The following TTLL5 variants were observed in gnomAD, a reference collection of about 807,000 sequenced individuals.
TTLL5 encodes tubulin tyrosine ligase like 5, also known as tubulin polyglutamylase TTLL5.
A neutral mutation model predicts 168.4 loss-of-function variants in TTLL5; 132 were observed. That is an observed-to-expected ratio of 0.78 (90% CI 0.68 to 0.91). The LOEUF is 0.91. Among genes scored for constraint, TTLL5 ranks in the 40% least tolerant of loss-of-function variants. The pLI, the probability that TTLL5 is intolerant of heterozygous loss-of-function variation, is 0.00. For synonymous variants in TTLL5, 546 were observed against 558.6 expected, an observed-to-expected ratio of 0.98 and a Z score of 0.32; for missense variants, 1,545 against 1,581.5, an observed-to-expected ratio of 0.98 and a Z score of 0.39.
intron 28 of TTLL5, among the ~76,000 whole-genome samples, chr14:75,857,290 A>T (rs373516): frequency 0.9 from 136,618 of 152,042 alleles, 61,542 homozygotes; most frequent in African/African-American, 0.95. Context: ...ATTATATGAT[A>T]GATTTTTTTT....
rs1258692561 is a variant in TTLL5, at chr14:75,683,671, A to G, written c.371+15A>G. 3.7e-6 allele frequency: 6 copies of G among 1,600,604 alleles called. No homozygotes were observed. Among genetic ancestry groups the G allele is most frequent in the Non-Finnish European group, 5.1e-6 (6 of 1,168,080 alleles). ...CACTTTCCCAGGTAATGCTCTTTGT[A>G]GCTGCTTTGCTTCATTTAAAGGTAC... On this transcript the variant is annotated intron_variant, in intron 5 of 31. Coordinates refer to ENST00000298832, the MANE Select transcript of TTLL5 (RefSeq NM_015072.5).
chr14:75,904,380 C>A, intron 31 of TTLL5: 1 of 469,160 alleles, frequency 2.1e-6, no homozygotes, highest in Non-Finnish European at 2.8e-6. Context: ...TTTGGCTCTT[C>A]AAGTTTGCTT....
intron 31 of TTLL5, among the ~76,000 whole-genome samples, chr14:75,905,334 C>T (rs2033099590): frequency 6.6e-6 from 1 of 152,210 alleles, no homozygotes; most frequent in South Asian, 2.1e-4. Flanking sequence ...GCCTGCCAGG[C>T]TTTCGGCTGT....
chr14:75,922,146 G>T (rs2033849757), intron 31 of TTLL5, among the ~76,000 whole-genome samples: 1 of 144,132 alleles, frequency 6.9e-6, no homozygotes, highest in African/African-American at 2.6e-5. Flanking sequence ...GAGACGATGG[G>T]GTTTTCTAAA....
chr14:75,863,728 G>A lies in TTLL5; in HGVS notation c.3388G>A (p.Ala1130Thr). ...GEVENNVYSQATGVVPQHKYH... is the reference protein window; with the variant it reads ...GEVENNVYSQTTGVVPQHKYH... ...AGTAGAAAACAACGTGTACAGCCAGGCTACAGGGGTGGTCCCCCAGCACAA... is the reference window on the plus strand; with the variant it reads ...AGTAGAAAACAACGTGTACAGCCAGACTACAGGGGTGGTCCCCCAGCACAA... The change falls in exon 29 of 32, where the codon GCT becomes ACT. Residue 1130 changes from alanine to threonine, a missense_variant. Ala to Thr is a moderately conservative substitution (Grantham distance 58, BLOSUM62 0). Transcript: ENST00000298832. The A allele has an allele frequency of 6.2e-7, 1 of 1,613,406 alleles. No individual in the cohort carries two copies. The highest frequency in any genetic ancestry group is 1.3e-5 in the African/African-American group (1 of 74,902).
At chr14:75,806,613 C>G (rs1381631464) in intron 27 of TTLL5, among the ~76,000 whole-genome samples, 2 of 152,206 alleles carry the variant, frequency 1.3e-5, no homozygotes, top group African/African-American at 4.8e-5. Context: ...TCTGTCCAGG[C>G]TCAGTGTAGA....
chr14:75,708,091 T>C (rs2140174002), intron 9 of TTLL5, among the ~76,000 whole-genome samples: 1 of 152,318 alleles, frequency 6.6e-6, no homozygotes, highest in South Asian at 2.1e-4. Context: ...AAATCCTACC[T>C]GTATTTGCCT....
chr14:75,862,538 AG>A (rs1008387932), intron 28 of TTLL5, among the ~76,000 whole-genome samples: 61 of 152,320 alleles, frequency 4.0e-4, no homozygotes, highest in African/African-American at 1.4e-3. Flanking sequence ...GGAATGAAGT[AG>A]TATAAATGGG....
Position 75,783,313 on chromosome 14 carries a change from A to G in TTLL5, c.2769A>G (p.Ser923=), listed in dbSNP as rs912001491. 9.3e-6 allele frequency: 15 copies of G among 1,614,126 alleles called. No individual in the cohort carries two copies. The highest frequency in any genetic ancestry group is 1.3e-5 in the Non-Finnish European group (15 of 1,180,022). Residue 923 remains serine (S), a synonymous_variant, in exon 26 of 32, where the codon TCA becomes TCG. Coordinates refer to ENST00000298832, the MANE Select transcript of TTLL5 (RefSeq NM_015072.5). ...CHHSSLSQIP[S]AIPSMPHQPT... is the part of the protein sequence containing the mutation. Reference sequence around the variant, plus strand: ...ATTCTTCTTTATCTCAAATTCCTTCAGCTATCCCCAGCATGCCTCACCAGC... The same window carrying G: ...ATTCTTCTTTATCTCAAATTCCTTCGGCTATCCCCAGCATGCCTCACCAGC...
chr14:75,920,637 C>T (rs764969204), intron 31 of TTLL5, among the ~76,000 whole-genome samples: 11 of 152,202 alleles, frequency 7.2e-5, no homozygotes, highest in Non-Finnish European at 1.5e-4. Context: ...TTTTCTTAAT[C>T]CAGTTCTGTC....
At chr14:75,844,745 A>G (rs1342794904) in intron 28 of TTLL5, among the ~76,000 whole-genome samples, 1 of 152,244 alleles carries the variant, frequency 6.6e-6, no homozygotes, top group African/African-American at 2.4e-5. Context: ...ACTCTAAGCC[A>G]CACTCACTCA....
At chr14:75,794,754 TA>T (rs1892909614) in intron 27 of TTLL5, among the ~76,000 whole-genome samples, 1 of 152,190 alleles carries the variant, frequency 6.6e-6, no homozygotes, top group Non-Finnish European at 1.5e-5. Context: ...GGAGGTGCTG[TA>T]GGATGTAATA....
chr14:75,719,462 T>G (rs887695413), intron 10 of TTLL5, among the ~76,000 whole-genome samples: 5 of 152,224 alleles, frequency 3.3e-5, no homozygotes, highest in Admixed American at 3.3e-4. Flanking sequence ...TCACTCTTTC[T>G]TGATGCATAA....
intron 31 of TTLL5, among the ~76,000 whole-genome samples, chr14:75,914,488 G>A (rs979716303): frequency 2.0e-5 from 3 of 151,928 alleles, no homozygotes; most frequent in African/African-American, 7.3e-5. Flanking sequence ...CATAAAAAAT[G>A]CATTTTATTA....
At chr14:75,915,591 A>G (rs1288751952) in intron 31 of TTLL5, among the ~76,000 whole-genome samples, 1 of 152,230 alleles carries the variant, frequency 6.6e-6, no homozygotes, top group African/African-American at 2.4e-5. Context: ...CAGTTTCCTC[A>G]TCTATACAAT....
intron 9 of TTLL5, chr14:75,709,421 T>C: frequency 1.9e-6 from 1 of 514,438 alleles, no homozygotes; most frequent in Non-Finnish European, 3.5e-6. Context: ...TCACAGCATT[T>C]ATAAGTCCTG....
intron 30 of TTLL5, among the ~76,000 whole-genome samples, chr14:75,893,693 C>A (rs2032513240): frequency 6.6e-6 from 1 of 151,986 alleles, no homozygotes; most frequent in Non-Finnish European, 1.5e-5. Context: ...TGACGCACGC[C>A]TGTAATCCCA....
chr14:75,754,975 C>A (rs778596873), intron 18 of TTLL5, among the ~76,000 whole-genome samples: 2 of 151,922 alleles, frequency 1.3e-5, no homozygotes, highest in Non-Finnish European at 2.9e-5. Context: ...TTAAAAAAAA[C>A]ATAATTTGGC....
chr14:75,784,747 A>G (rs1218465724), intron 26 of TTLL5, among the ~76,000 whole-genome samples: 3 of 152,190 alleles, frequency 2.0e-5, no homozygotes, highest in Admixed American at 6.5e-5. Flanking sequence ...TGCCAAAACT[A>G]TGAGTTGTCT....
Sources: allele counts gnomAD v4.1 joint callset (sites outside exome capture counted in the v4.1 genomes callset), GRCh38; gene constraint gnomAD v4.1.1; transcripts MANE v1.5; gene names NCBI Gene and HGNC (gene_info 2026-07-23, HGNC 2026-07-21).